PSG9: variants seen among roughly 807,000 people sequenced by gnomAD.
The protein encoded by PSG9 is pregnancy-specific beta-1-glycoprotein 9.
Under a neutral mutation model 41.9 loss-of-function variants are expected in PSG9, and 49 were observed. The ratio of observed to expected loss-of-function variants is 1.17; its 90% CI spans 0.93 to 1.48. The LOEUF (loss-of-function observed/expected upper bound fraction) is 1.48. PSG9 is among the 40% of genes most tolerant of loss of function. The pLI, the probability that PSG9 is intolerant of heterozygous loss-of-function variation, is 0.00. For synonymous variants in PSG9, 263 were observed against 196.8 expected, an observed-to-expected ratio of 1.34 and a Z score of -2.82; for missense variants, 641 against 520.3, an observed-to-expected ratio of 1.23 and a Z score of -2.26.
At chr19:43,261,528 G>A (rs1968710770) in intron 3 of PSG9, among the ~76,000 whole-genome samples, 1 of 152,162 alleles carries the variant, frequency 6.6e-6, no homozygotes, top group African/African-American at 2.4e-5. Context: ...GTCTGTGGAA[G>A]GGCCACAGTG....
chr19:43,266,284 G>T (rs1161977772), intron 2 of PSG9, among the ~76,000 whole-genome samples: 1 of 152,040 alleles, frequency 6.6e-6, no homozygotes, highest in Non-Finnish European at 1.5e-5. Context: ...GTAGTGGGGG[G>T]ATGAAACGTG....
chr19:43,256,635 T>C lies in PSG9; in HGVS notation c.1243+1567A>G, dbSNP rs997539497. Among the ~76,000 whole-genome samples the C allele has an allele frequency of 4.1e-5, 6 of 146,270 alleles. 2 individuals are homozygous for C. Among genetic ancestry groups the C allele is most frequent in the African/African-American group, 1.6e-4 (6 of 38,452 alleles). On this transcript the variant is annotated intron_variant, in intron 5 of 5. Transcript: ENST00000270077. ...GGAGATATGCAAATCAAACCCACAATGCTACACCACCTCACACAATTTAGG... is the reference window on the plus strand; with the variant it reads ...GGAGATATGCAAATCAAACCCACAACGCTACACCACCTCACACAATTTAGG...
chr19:43,269,371 T>A lies in PSG9; in HGVS notation c.61A>T (p.Thr21Ser). The A allele has an allele frequency of 6.2e-7, 1 of 1,613,552 alleles. No individual in the cohort carries two copies. Among genetic ancestry groups the A allele is most frequent in the Non-Finnish European group, 8.5e-7 (1 of 1,179,628 alleles). The change falls in exon 1 of 6, where the codon ACA becomes TCA. Residue 21 changes from threonine (T) to serine (S), a missense_variant. Physicochemically the swap from Thr to Ser is moderately conservative, Grantham distance 58. Coordinates refer to ENST00000270077, the MANE Select transcript of PSG9 (RefSeq NM_002784.5). ...QRITWKGLLLTASLLNFWNPP... is the reference protein window; with the variant it reads ...QRITWKGLLLSASLLNFWNPP... ...TCCCAGGAAGTTCTCTCCTCACCTG[T>A]GAGCAGGAGCCCCTTCCAGGTGATG...
intron 3 of PSG9, chr19:43,260,167 G>T (rs4538115): frequency 0.23 from 34,060 of 146,206 alleles, 6,015 homozygotes; most frequent in Non-Finnish European, 0.31. Context: ...GAGACTGCTG[G>T]TTGCCAGGAG....
chr19:43,264,790 T>C (rs1467636536), intron 2 of PSG9, among the ~76,000 whole-genome samples: 1 of 152,168 alleles, frequency 6.6e-6, no homozygotes, highest in African/African-American at 2.4e-5. Flanking sequence ...ACTTTTGAGA[T>C]TGTTCAGCTT....
Position 43,268,943 on chromosome 19 carries a change from T to C in PSG9, c.64+425A>G, listed in dbSNP as rs532486321. Among the ~76,000 whole-genome samples the C allele has an allele frequency of 4.6e-5, 7 of 152,298 alleles. No homozygotes were observed. In the South Asian group the frequency reaches 8.3e-4, roughly 18 times the overall value. ...TCCGGTTCAATGTGACTTTCCTCTT[T>C]TGACCCCTGTCCCTCTCTGGTGTAT... On this transcript the variant is annotated intron_variant, in intron 1 of 5. Coordinates refer to ENST00000270077, the MANE Select transcript of PSG9 (RefSeq NM_002784.5).
chr19:43,267,998 C>T lies in PSG9; in HGVS notation c.216G>A (p.Met72Ile), dbSNP rs1969058589. 1.9e-6 allele frequency: 3 copies of T among 1,613,864 alleles called. No homozygotes were observed. Among genetic ancestry groups the T allele is most frequent in the Middle Eastern group, 3.3e-4 (2 of 6,060 alleles). Residue 72 changes from methionine to isoleucine, a missense_variant, in exon 2 of 6, where the codon ATG becomes ATA. Met to Ile is a conservative substitution (Grantham distance 10, BLOSUM62 1). Transcript: ENST00000270077. ...LPGYFWYKGE[M>I]TDLYHYIISY... ...ATATAATGTAATGGTAGAGGTCCGTCATTTCCCCTTTGTACCAGAAGTAGC... is the reference window on the plus strand; with the variant it reads ...ATATAATGTAATGGTAGAGGTCCGTTATTTCCCCTTTGTACCAGAAGTAGC...
intron 2 of PSG9, among the ~76,000 whole-genome samples, chr19:43,266,626 A>C (rs1968980927): frequency 6.6e-6 from 1 of 152,102 alleles, no homozygotes; most frequent in South Asian, 2.1e-4. Flanking sequence ...TGGTTGAGGC[A>C]GGTGATTTAG....
At chr19:43,264,157 C>A (rs1408845785) in intron 2 of PSG9, among the ~76,000 whole-genome samples, 1 of 152,000 alleles carries the variant, frequency 6.6e-6, no homozygotes, top group African/African-American at 2.4e-5. Flanking sequence ...GCAGTAAAAC[C>A]ATTAGATATC....
At chr19:43,260,841 T>G (rs1297733131) in intron 3 of PSG9, 1 of 152,142 alleles carries the variant, frequency 6.6e-6, no homozygotes, top group East Asian at 1.9e-4. Context: ...GAAAATGAAA[T>G]GTCTTTCCAT....
At chr19:43,264,336 T>C (rs1325867512) in intron 2 of PSG9, among the ~76,000 whole-genome samples, 5 of 152,262 alleles carry the variant, frequency 3.3e-5, no homozygotes, top group Non-Finnish European at 7.4e-5. Context: ...TCTTCCCCAC[T>C]TTTTTTGAAC....
chr19:43,266,083 A>G (rs1199329810), intron 2 of PSG9, among the ~76,000 whole-genome samples: 1 of 151,714 alleles, frequency 6.6e-6, no homozygotes, highest in African/African-American at 2.4e-5. Flanking sequence ...TGGGAGGAAG[A>G]TGAGGGACAC....
At position 43,257,526 on chromosome 19, in the gene PSG9, A is replaced by G; in HGVS notation, c.1243+676T>C. ...TCATACAGCTGGTGACTTCAGAGCC[A>G]GGACGCAGCTCAGGAGTCTGCCCTG... On this transcript the variant is annotated intron_variant, in intron 5 of 5. Coordinates refer to ENST00000270077, the MANE Select transcript of PSG9 (RefSeq NM_002784.5). 9 of 978,596 alleles carry G rather than the reference A, an allele frequency of 9.2e-6. 2 individuals carry two copies. Among genetic ancestry groups the G allele is most frequent in the Non-Finnish European group, 1.1e-5 (9 of 828,778 alleles). The allele number at this position is 978,596 out of a possible 1,614,324, so 60.6% of individuals were successfully genotyped here.
At chr19:43,261,835 T>C (rs1968728750) in intron 3 of PSG9, 25 bp downstream of exon 3, 3 of 1,614,006 alleles carry the variant, frequency 1.9e-6, no homozygotes, top group Non-Finnish European at 2.5e-6. Context: ...GCAGCCTGGC[T>C]CACAGAGGAA....
At chr19:43,256,668 T>G (rs1968453837) in intron 5 of PSG9, among the ~76,000 whole-genome samples, 1 of 146,690 alleles carries the variant, frequency 6.8e-6, no homozygotes, top group East Asian at 2.3e-4. Flanking sequence ...AGGATGGCTT[T>G]GATAAACAAC....
rs1281829736 is a variant in PSG9, at chr19:43,264,391, C to T, written c.431-2253G>A. Among the ~76,000 whole-genome samples the T allele has an allele frequency of 2.6e-5, 4 of 152,098 alleles. No individual in the cohort carries two copies. The East Asian group carries it at 7.7e-4, about 29-fold the overall frequency. On this transcript the variant is annotated intron_variant, in intron 2 of 5. Coordinates refer to ENST00000270077, the MANE Select transcript of PSG9 (RefSeq NM_002784.5). ...AAGTTTCTATTGACACATCCTCAAG[C>T]TAGGGATTCTTTCCTCAGCTGTGTG...
intron 2 of PSG9, among the ~76,000 whole-genome samples, chr19:43,267,141 G>A (rs1397547169): frequency 6.6e-6 from 1 of 152,106 alleles, no homozygotes; most frequent in Non-Finnish European, 1.5e-5. Flanking sequence ...AGCCTCCCAA[G>A]GCAGTTGGCT....
intron 3 of PSG9, among the ~76,000 whole-genome samples, 172 bp downstream of exon 3, chr19:43,261,688 T>G (rs774399298): frequency 3.3e-4 from 51 of 152,254 alleles, no homozygotes; most frequent in Middle Eastern, 6.8e-3. Flanking sequence ...CTCCCATTGT[T>G]GATCAAGCCT....
chr19:43,254,467 G>C (rs941536101), intron 5 of PSG9, among the ~76,000 whole-genome samples: 6 of 146,224 alleles, frequency 4.1e-5, no homozygotes, highest in Admixed American at 1.4e-4. Flanking sequence ...GCAATTTTCA[G>C]GTAAGGAATC....
Sources: allele counts gnomAD v4.1 joint callset (sites outside exome capture counted in the v4.1 genomes callset), GRCh38; gene constraint gnomAD v4.1.1; transcripts MANE v1.5; gene names NCBI Gene and HGNC (gene_info 2026-07-23, HGNC 2026-07-21).